RHOT1: variants seen among roughly 807,000 people sequenced by gnomAD.
The protein encoded by RHOT1 is ras homolog family member T1, also known as mitochondrial Rho GTPase 1.
In RHOT1, 27 loss-of-function variants were observed where a neutral mutation model predicts 95.3. The ratio of observed to expected loss-of-function variants is 0.28; its 90% CI spans 0.21 to 0.39. The LOEUF (loss-of-function observed/expected upper bound fraction) is 0.39, where lower values mean the gene tolerates loss of function less well. Among genes scored for constraint, RHOT1 ranks in the 10% least tolerant of loss-of-function variants. The pLI is 1.00. For synonymous variants in RHOT1, 227 were observed against 263.5 expected (o/e 0.86, Z 1.34); for missense variants, 578 against 786.7 (o/e 0.73, Z 3.17).
intron 8 of RHOT1, among the ~76,000 whole-genome samples, chr17:32,186,531 T>G (rs1336183530): frequency 6.6e-6 from 1 of 151,674 alleles, no homozygotes; most frequent in Non-Finnish European, 1.5e-5. Flanking sequence ...GCCCGGCTAA[T>G]TTTTTTTGTA....
At chr17:32,217,051 TA>T (rs2038519966) in intron 19 of RHOT1, among the ~76,000 whole-genome samples, 1 of 152,216 alleles carries the variant, frequency 6.6e-6, no homozygotes, top group East Asian at 1.9e-4. Context: ...GTCATTTGGT[TA>T]ATATATTAAA....
intron 19 of RHOT1, among the ~76,000 whole-genome samples, chr17:32,216,916 A>T (rs1223972432): frequency 6.6e-6 from 1 of 152,172 alleles, no homozygotes; most frequent in Non-Finnish European, 1.5e-5. Flanking sequence ...ATTCCCTTGT[A>T]TGAAGGTCCT....
At chr17:32,222,157 A>G (rs1427051811) in intron 19 of RHOT1, among the ~76,000 whole-genome samples, 2 of 152,244 alleles carry the variant, frequency 1.3e-5, no homozygotes, top group Non-Finnish European at 2.9e-5. Flanking sequence ...GAGGCCAAAG[A>G]TGAAGAGAAA....
rs755227703 is a variant in RHOT1, at chr17:32,199,568, C to CT, written c.1100+19dup. ...CAGTGGACGTGAGTATAGAGCTCAC[C>CT]TCTTTCCTCTAGAGTTACAAATAGT... is the stretch of plus-strand genomic sequence containing the variant. On this transcript the variant is annotated intron_variant, in intron 13 of 19. Transcript: ENST00000545287. The CT allele has an allele frequency of 6.4e-7, 1 of 1,568,952 alleles. No individual in the cohort carries two copies. Among genetic ancestry groups the CT allele is most frequent in the Non-Finnish European group, 8.6e-7 (1 of 1,163,780 alleles).
intron 6 of RHOT1, 27 bp downstream of exon 6, chr17:32,176,240 A>G (rs780479852): frequency 5.8e-6 from 9 of 1,561,916 alleles, no homozygotes; most frequent in Admixed American, 1.7e-5. Flanking sequence ...CAAACTTTTT[A>G]TAATTAAAAA....
intron 19 of RHOT1, among the ~76,000 whole-genome samples, chr17:32,217,179 G>C (rs549132388): frequency 6.6e-6 from 1 of 152,226 alleles, no homozygotes; most frequent in South Asian, 2.1e-4. Flanking sequence ...TTCTTCTAAT[G>C]CTTGGTGAAG....
chr17:32,208,281 G>A lies in RHOT1; in HGVS notation c.1711G>A (p.Val571Ile), dbSNP rs1023442551. Residue 571 changes from valine to isoleucine, a missense_variant, in exon 18 of 20, where the codon GTT becomes ATT. Val to Ile is a conservative substitution (Grantham distance 29). Transcript: ENST00000545287. ...TGATGCCCCCAGTAAGGATATCTTT[G>A]TTAAATTGACAACAATGGCCATGTA... ...TADAPSKDIF[V>I]KLTTMAMYPH... 1.2e-6 allele frequency: 2 copies of A among 1,614,034 alleles called. No homozygotes were observed. The highest frequency in any genetic ancestry group is 1.7e-5 in the Admixed American group (1 of 60,012).
chr17:32,174,259 T>C lies in RHOT1; in HGVS notation c.178+347T>C, dbSNP rs182504997. On this transcript the variant is annotated intron_variant, in intron 3 of 19. Coordinates refer to ENST00000545287, the MANE Select transcript of RHOT1 (RefSeq NM_001033566.3). ...TGAAAAAAGGATGTAAAATATGTCA[T>C]TAATTTTTCTATTGAGTACATGTTG... is the stretch of plus-strand genomic sequence containing the variant. 7.2e-5 allele frequency among the ~76,000 whole-genome samples: 11 copies of C among 152,390 alleles called. No homozygotes were observed. The East Asian group carries it at 1.9e-3, about 27-fold the overall frequency.
At chr17:32,201,905 T>G (rs1369897522) in intron 14 of RHOT1, among the ~76,000 whole-genome samples, 2 of 91,564 alleles carry the variant, frequency 2.2e-5, no homozygotes, top group Admixed American at 1.0e-4. Context: ...GAGGTTGTGT[T>G]TGTTTGTTTG....
At chr17:32,217,819 A>G (rs1225757076) in intron 19 of RHOT1, among the ~76,000 whole-genome samples, 1 of 149,244 alleles carries the variant, frequency 6.7e-6, no homozygotes, top group Non-Finnish European at 1.5e-5. Context: ...ACAAAAGCAG[A>G]GAGTCCAGAA....
chr17:32,160,078 A>C (rs1035698808), intron 1 of RHOT1: 1 of 152,244 alleles, frequency 6.6e-6, no homozygotes, highest in African/African-American at 2.4e-5. Context: ...ACAGGGAGGA[A>C]CTACCCTCTC....
intron 8 of RHOT1, among the ~76,000 whole-genome samples, chr17:32,191,786 C>T (rs1402849863): frequency 2.0e-5 from 3 of 152,268 alleles, no homozygotes; most frequent in African/African-American, 7.2e-5. Flanking sequence ...CAAAACAAAT[C>T]TCATTCTGCT....
intron 4 of RHOT1, among the ~76,000 whole-genome samples, chr17:32,175,728 C>T (rs1347794145): frequency 6.6e-6 from 1 of 152,124 alleles, no homozygotes; most frequent in East Asian, 1.9e-4. Flanking sequence ...CTCTTAATTA[C>T]CAAAAGTTCT....
chr17:32,221,531 G>A (rs564655948), intron 19 of RHOT1, among the ~76,000 whole-genome samples: 27 of 152,270 alleles, frequency 1.8e-4, no homozygotes, highest in African/African-American at 3.1e-4. Flanking sequence ...GCAATGATAA[G>A]CGTGCCCTCC....
In RHOT1 at chr17:32,207,959, C is replaced by T. The variant is rs2037870894; in HGVS notation, c.1537-148C>T. 103 of 644,702 alleles carry T rather than the reference C, an allele frequency of 1.6e-4. 4 individuals are homozygous for T. The South Asian group carries it at 1.9e-3, about 12-fold the overall frequency. 39.9% of individuals were successfully genotyped at this position (644,702 alleles called of 1,614,324 possible). The stretch of plus-strand genomic sequence containing the variant: ...ATTTATTATATGAGATTTACCTAGA[C>T]CACTGCCAATCTTTGCCTTTTGGTT... On this transcript the variant is annotated intron_variant, in intron 17 of 19. Coordinates refer to ENST00000545287, the MANE Select transcript of RHOT1 (RefSeq NM_001033566.3).
chr17:32,173,780 T>G, intron 2 of RHOT1, 51 bp from the exon 3 acceptor site: 2 of 1,196,824 alleles, frequency 1.7e-6, no homozygotes, highest in Non-Finnish European at 2.4e-6. Flanking sequence ...CAAGTTTGAG[T>G]GATAATATTC....
In RHOT1 at chr17:32,208,249, A is replaced by G. The variant is rs149321179; in HGVS notation, c.1679A>G (p.Asn560Ser). ...CCTCCACCACAAGCCTTCACTTGCA[A>G]TACTGCTGATGCCCCCAGTAAGGAT... Reference protein sequence around the residue: ...KMPPPQAFTCNTADAPSKDIF... With the variant: ...KMPPPQAFTCSTADAPSKDIF... The change falls in exon 18 of 20, where the codon AAT becomes AGT. Residue 560 changes from asparagine (N) to serine (S), a missense_variant. Physicochemically the swap from Asn to Ser is conservative, Grantham distance 46. Transcript: ENST00000545287. The G allele has an allele frequency of 7.4e-6, 12 of 1,613,986 alleles. No homozygotes were observed. The highest frequency in any genetic ancestry group is 5.0e-5 in the Admixed American group (3 of 59,996).
chr17:32,211,088 A>G (rs767952623), intron 18 of RHOT1, 28 bp from the exon 19 acceptor site: 1 of 1,576,656 alleles, frequency 6.3e-7, no homozygotes, highest in Non-Finnish European at 8.7e-7. Context: ...TAAGAACTCA[A>G]CTCCTGTCCT....
intron 1 of RHOT1, among the ~76,000 whole-genome samples, chr17:32,156,977 C>T (rs1325013463): frequency 1.3e-5 from 2 of 152,234 alleles, no homozygotes; most frequent in Non-Finnish European, 2.9e-5. Context: ...GAATAAGCAG[C>T]CTTGATGACT....
Sources: allele counts gnomAD v4.1 joint callset (sites outside exome capture counted in the v4.1 genomes callset), GRCh38; gene constraint gnomAD v4.1.1; transcripts MANE v1.5; gene names NCBI Gene and HGNC (gene_info 2026-07-23, HGNC 2026-07-21).